The following CREBBP variants were observed in gnomAD, a reference collection of about 807,000 sequenced individuals.
CREBBP encodes CREB binding lysine acetyltransferase.
A neutral mutation model predicts 265.0 loss-of-function variants in CREBBP; 19 were observed. The ratio of observed to expected loss-of-function variants is 0.07; its 90% confidence interval spans 0.05 to 0.11. The LOEUF is 0.11. CREBBP is among the 10% of genes least tolerant of loss of function. CREBBP has a pLI of 1.00. For missense variants in CREBBP, 2,525 were observed against 3,219.0 expected (o/e 0.78, Z 5.22); for synonymous variants, 1,457 against 1,223.7 (o/e 1.19, Z -3.98).
intron 7 of CREBBP, 100 bp from the exon 8 acceptor site, chr16:3,780,978 T>A: frequency 7.1e-7 from 1 of 1,408,668 alleles, no homozygotes. Context: ...TTTTAAAAGT[T>A]TAAGTCAGGA....
chr16:3,735,889 C>A (rs1476942094), intron 28 of CREBBP, 147 bp downstream of exon 28: 5 of 1,260,008 alleles, frequency 4.0e-6, no homozygotes, highest in Non-Finnish European at 5.7e-6. Flanking sequence ...CCCACCAACG[C>A]CCTGTGCTGC....
rs749538388 is a variant in CREBBP, at chr16:3,727,742, T to C, written c.7305A>G (p.Leu2435=). ...SLVGDTTGDT[L]EKFVEGL is the part of the protein sequence containing the mutation. ...GCTACAAGCCCTCCACAAACTTCTC[T>C]AGCGTGTCCCCCGTGGTGTCCCCGA... Residue 2435 remains leucine, a synonymous_variant, in exon 31 of 31, where the codon CTA becomes CTG. Coordinates refer to ENST00000262367, the MANE Select transcript of CREBBP (RefSeq NM_004380.3). 1.9e-6 allele frequency: 3 copies of C among 1,613,856 alleles called. No individual in the cohort carries two copies. Among genetic ancestry groups the C allele is most frequent in the Non-Finnish European group, 2.5e-6 (3 of 1,179,824 alleles).
Position 3,728,690 on chromosome 16 carries a change from A to G in CREBBP, c.6357T>C (p.Pro2119=). 1 of 1,613,876 alleles carries G rather than the reference A, an allele frequency of 6.2e-7. No homozygotes were observed. Among genetic ancestry groups the G allele is most frequent in the Non-Finnish European group, 8.5e-7 (1 of 1,179,944 alleles). The part of the protein sequence containing the change: ...VANQPGMQPQ[P]GLQSQPGMQP... ...GCATGCCGGGCTGGGACTGGAGGCC[A>G]GGCTGGGGCTGCATGCCGGGCTGAT... Residue 2119 remains proline (P), a synonymous_variant, in exon 31 of 31, where the codon CCT becomes CCC. Transcript: ENST00000262367. The surrounding 1 kb of genome is among the most constrained non-coding windows in gnomAD (Gnocchi z 8.7).
At position 3,776,847 on chromosome 16, in the gene CREBBP, C is replaced by T. The variant is rs1262461884; in HGVS notation, c.2158+766G>A. ...CTAACATGGTGAAACCCCATCTCTACTAAAAAAAAAGATACAAAAAATTAG... is the reference window on the plus strand; with the variant it reads ...CTAACATGGTGAAACCCCATCTCTATTAAAAAAAAAGATACAAAAAATTAG... On this transcript the variant is annotated intron_variant, in intron 11 of 30. Transcript: ENST00000262367. 2.7e-5 allele frequency among the ~76,000 whole-genome samples: 4 copies of T among 150,792 alleles called. No individual in the cohort carries two copies. The South Asian group carries it at 8.4e-4, about 32-fold the overall frequency.
rs181767367 is a variant in CREBBP at position 3,761,036 on chromosome 16, T to C, written c.3251-2064A>G. 2.2e-4 allele frequency among the ~76,000 whole-genome samples: 33 copies of C among 152,028 alleles called. 1 individual carries two copies. In the East Asian group the frequency reaches 4.9e-3, roughly 22 times the overall value. ...ATGGCGTGATCTTGGCTCACTGCAATCTCCGCCTCCCGGGTTCAAGCGATT... is the reference window on the plus strand; with the variant it reads ...ATGGCGTGATCTTGGCTCACTGCAACCTCCGCCTCCCGGGTTCAAGCGATT... On this transcript the variant is annotated intron_variant, in intron 16 of 30. Transcript: ENST00000262367.
intron 11 of CREBBP, among the ~76,000 whole-genome samples, chr16:3,775,539 T>C (rs2053117065): frequency 6.6e-6 from 1 of 152,232 alleles, no homozygotes; most frequent in South Asian, 2.1e-4. Flanking sequence ...GCTCAAAGGA[T>C]GACTCACGGA....
intron 1 of CREBBP, among the ~76,000 whole-genome samples, chr16:3,861,756 A>G (rs913936085): frequency 9.9e-5 from 15 of 150,876 alleles, no homozygotes; most frequent in Non-Finnish European, 1.8e-4. Context: ...AAAGACATCT[A>G]ACTTTTTTTT....
intron 1 of CREBBP, among the ~76,000 whole-genome samples, chr16:3,868,031 T>C (rs2055213764): frequency 6.6e-6 from 1 of 152,156 alleles, no homozygotes; most frequent in African/African-American, 2.4e-5. Flanking sequence ...GCACTGATAG[T>C]AGAGTTACAT....
At chr16:3,863,226 C>T (rs773034511) in intron 1 of CREBBP, among the ~76,000 whole-genome samples, 2 of 152,202 alleles carry the variant, frequency 1.3e-5, no homozygotes, top group African/African-American at 4.8e-5. Flanking sequence ...CTCAAATGCA[C>T]TTGATGGCTG....
rs758454751 is a variant in CREBBP at position 3,727,931 on chromosome 16, C to T, written c.7116G>A (p.Ser2372=). Residue 2372 remains serine (S), a synonymous_variant, in exon 31 of 31, where the codon TCG becomes TCA. Transcript: ENST00000262367. ...SPSPRIQPQP[S]PHHVSPQTGS... ...CAGTCTGGGGTGAGACGTGGTGTGG[C>T]GAAGGCTGGGGCTGTATCCGTGGTG... 23 of 1,608,952 alleles carry T rather than the reference C, an allele frequency of 1.4e-5. No homozygotes were observed. Among genetic ancestry groups the T allele is most frequent in the African/African-American group, 6.7e-5 (5 of 74,800 alleles).
At chr16:3,832,859 G>C (rs1490615151) in intron 2 of CREBBP, among the ~76,000 whole-genome samples, 2 of 151,646 alleles carry the variant, frequency 1.3e-5, no homozygotes, top group Non-Finnish European at 2.9e-5. Flanking sequence ...TGCAAGGCTG[G>C]TTCAACACTC....
At chr16:3,781,353 T>C in intron 6 of CREBBP, 47 bp from the exon 7 acceptor site, 3 of 1,468,410 alleles carry the variant, frequency 2.0e-6, no homozygotes, top group Non-Finnish European at 1.9e-6. Flanking sequence ...TTTTAATATA[T>C]ACTTCAAAGT....
chr16:3,734,365 C>T (rs1053627366), intron 28 of CREBBP, among the ~76,000 whole-genome samples: 4 of 152,118 alleles, frequency 2.6e-5, no homozygotes, highest in Non-Finnish European at 2.9e-5. Flanking sequence ...GTCTACATGC[C>T]GACACCTCAG....
chr16:3,745,505 T>C, intron 21 of CREBBP, 151 bp from the exon 22 acceptor site: 1 of 713,382 alleles, frequency 1.4e-6, no homozygotes, highest in Non-Finnish European at 2.5e-6. Context: ...TCAGCTATAT[T>C]TTACAATGCA....
At position 3,845,890 on chromosome 16, in the gene CREBBP, A is replaced by C. The variant is rs969283086; in HGVS notation, c.798+4407T>G. ...CAACAAACTGAGACCCTATCTCAAA[A>C]AAAAAAAAAAAAAAAAAAGTCATGT... On this transcript the variant is annotated intron_variant, in intron 2 of 30. Transcript: ENST00000262367. Among the ~76,000 whole-genome samples the C allele has an allele frequency of 4.9e-5, 7 of 142,978 alleles. No individual in the cohort carries two copies. The East Asian group carries it at 6.2e-4, about 13-fold the overall frequency. The allele number at this position is 142,978 out of a possible 152,430, so 93.8% of individuals were successfully genotyped here. A position where few individuals can be genotyped will look rare whatever the true frequency, so the allele number is the denominator to read the frequency against.
chr16:3,860,252 A>G (rs976266291), intron 1 of CREBBP, among the ~76,000 whole-genome samples: 4 of 152,244 alleles, frequency 2.6e-5, no homozygotes, highest in African/African-American at 7.2e-5. Flanking sequence ...CTTGTACTAT[A>G]GCCCTGACTA....
intron 6 of CREBBP, among the ~76,000 whole-genome samples, chr16:3,781,688 C>T (rs1372524073): frequency 6.6e-6 from 1 of 152,078 alleles, no homozygotes; most frequent in African/African-American, 2.4e-5. Context: ...GTCTCCACCC[C>T]CAATATCAGA....
intron 1 of CREBBP, among the ~76,000 whole-genome samples, chr16:3,855,680 C>T (rs1244315216): frequency 6.6e-6 from 1 of 152,148 alleles, no homozygotes; most frequent in Non-Finnish European, 1.5e-5. Flanking sequence ...AATCTGATCC[C>T]GGATACAGCA....
chr16:3,851,069 C>G (rs1029155222), intron 1 of CREBBP, 60 bp from the exon 2 acceptor site: 1 of 1,427,054 alleles, frequency 7.0e-7, no homozygotes, highest in African/African-American at 1.4e-5. Flanking sequence ...TCTCCAACTG[C>G]CACGTTTCTA....
Sources: gnomAD v4.1 joint callset for allele counts (sites outside exome capture counted in the v4.1 genomes callset) on GRCh38, gnomAD v4.1.1 for gene constraint, Gnocchi (gnomAD v3.1) non-coding constraint, MANE v1.5 for transcripts, NCBI Gene and HGNC (gene_info 2026-07-23, HGNC 2026-07-21) for gene names.